FAM240B: variants seen among roughly 807,000 people sequenced by gnomAD.
FAM240B encodes protein FAM240B.
chr9:38,704,598 G>A (rs544423513), intron 1 of FAM240B, among the ~76,000 whole-genome samples: 4 of 152,284 alleles, frequency 2.6e-5, no homozygotes, highest in Non-Finnish European at 4.4e-5. Context: ...TCAGTTGTGT[G>A]TGTGTCTGCA....
intron 1 of FAM240B, among the ~76,000 whole-genome samples, chr9:38,719,253 C>T (rs1004666165): frequency 6.6e-6 from 1 of 151,734 alleles, no homozygotes; most frequent in Non-Finnish European, 1.5e-5. Flanking sequence ...CCCCCCCACC[C>T]CCAGCAAAAG....
intron 1 of FAM240B, among the ~76,000 whole-genome samples, chr9:38,706,456 T>C (rs10973987): frequency 0.24 from 36,176 of 152,092 alleles, 5,277 homozygotes; most frequent in Admixed American, 0.32. Flanking sequence ...GTTTGTGACT[T>C]AGAGCGGTAG....
chr9:38,714,971 T>G, intron 1 of FAM240B, among the ~76,000 whole-genome samples: 1 of 152,230 alleles, frequency 6.6e-6, no homozygotes, highest in East Asian at 1.9e-4. Context: ...TTTTGATAAA[T>G]GTACCATGGC....
At chr9:38,696,269 A>G (rs910927898) in intron 2 of FAM240B, among the ~76,000 whole-genome samples, 21 of 152,196 alleles carry the variant, frequency 1.4e-4, no homozygotes, top group Admixed American at 3.9e-4. Context: ...AATACTTAAT[A>G]CTCTTTCTAC....
chr9:38,717,221 TCA>T, intron 1 of FAM240B, among the ~76,000 whole-genome samples: 1 of 152,306 alleles, frequency 6.6e-6, no homozygotes, highest in East Asian at 1.9e-4. Context: ...TTTGGGATGC[TCA>T]TGGAAATTAC....
At chr9:38,719,804 G>T (rs1821351054) in intron 1 of FAM240B, among the ~76,000 whole-genome samples, 1 of 152,030 alleles carries the variant, frequency 6.6e-6, no homozygotes, top group African/African-American at 2.4e-5. Flanking sequence ...CTGCATCATT[G>T]ACATTTAGGA....
rs530037978 is a variant in FAM240B, at chr9:38,707,709, G to A, written c.-3-3707C>T. 1.1e-4 allele frequency among the ~76,000 whole-genome samples: 16 copies of A among 150,230 alleles called. No individual in the cohort carries two copies. In the South Asian group the frequency reaches 2.5e-3, roughly 24 times the overall value. ...CTCAGGAGGCTGAGGCAGGAGAATC[G>A]CTTGAACCTGGGAGGTGGAGATTGC... is the stretch of plus-strand genomic sequence containing the variant. On this transcript the variant is annotated intron_variant, in intron 1 of 2. Transcript: ENST00000637493.
intron 2 of FAM240B, among the ~76,000 whole-genome samples, chr9:38,702,070 G>A (rs908971324): frequency 6.6e-6 from 1 of 152,170 alleles, no homozygotes; most frequent in African/African-American, 2.4e-5. Context: ...TTTCTGGAAG[G>A]GAAGATACAG....
chr9:38,700,788 TG>T (rs1350624174), intron 2 of FAM240B, among the ~76,000 whole-genome samples: 1 of 152,236 alleles, frequency 6.6e-6, no homozygotes, highest in Non-Finnish European at 1.5e-5. Flanking sequence ...TACCCAGTTG[TG>T]GGGCCACCCA....
intron 1 of FAM240B, among the ~76,000 whole-genome samples, chr9:38,710,646 C>A (rs1366197411): frequency 6.6e-6 from 1 of 152,138 alleles, no homozygotes; most frequent in Non-Finnish European, 1.5e-5. Context: ...AACGACAGGG[C>A]GTGGAAGTGA....
At chr9:38,709,046 G>A (rs1015644154) in intron 1 of FAM240B, among the ~76,000 whole-genome samples, 1 of 152,036 alleles carries the variant, frequency 6.6e-6, no homozygotes, top group African/African-American at 2.4e-5. Flanking sequence ...GCTCTCTGTG[G>A]TCAGGCCCTA....
chr9:38,719,894 A>C (rs1036214019), intron 1 of FAM240B, 128 bp downstream of exon 1: 1 of 152,216 alleles, frequency 6.6e-6, no homozygotes, highest in Admixed American at 6.5e-5. Flanking sequence ...TAGGTGTTCA[A>C]GGTGAAGAGA....
intron 1 of FAM240B, among the ~76,000 whole-genome samples, chr9:38,708,457 G>A: frequency 6.6e-6 from 1 of 152,134 alleles, no homozygotes; most frequent in Non-Finnish European, 1.5e-5. Flanking sequence ...AGACACAGCT[G>A]TCCTGCCTGC....
Position 38,694,788 on chromosome 9 carries a change from G to A in FAM240B, c.225C>T (p.His75=). The A allele has an allele frequency of 2.5e-6, 1 of 398,636 alleles. No homozygotes were observed. The highest frequency in any genetic ancestry group is 4.4e-6 in the Non-Finnish European group (1 of 226,082). The allele number at this position is 398,636 out of a possible 1,614,324, so 24.7% of individuals were successfully genotyped here. A position where few individuals can be genotyped will look rare whatever the true frequency, so the allele number is the denominator to read the frequency against. The change falls in exon 3 of 3, where the codon CAC becomes CAT. Residue 75 remains histidine, a synonymous_variant. Coordinates refer to ENST00000637493, the MANE Select transcript of FAM240B (RefSeq NM_001394922.1). ...AGGCAGGCAGAGCTCAGTCCGCGGTGTGTGCCGGCTTTTCCTTCTCAACAG... is the reference window on the plus strand; with the variant it reads ...AGGCAGGCAGAGCTCAGTCCGCGGTATGTGCCGGCTTTTCCTTCTCAACAG... The part of the protein sequence containing the change: ...DNPVEKEKPA[H]TAD
intron 1 of FAM240B, among the ~76,000 whole-genome samples, chr9:38,714,879 G>A (rs1821291727): frequency 6.6e-6 from 1 of 152,158 alleles, no homozygotes; most frequent in South Asian, 2.1e-4. Flanking sequence ...TCCTGGAACA[G>A]GAAAAACAGA....
chr9:38,717,391 C>T (rs7873576), intron 1 of FAM240B, among the ~76,000 whole-genome samples: 44,783 of 151,760 alleles, frequency 0.3, 8,791 homozygotes, highest in African/African-American at 0.56. Context: ...CCATCCTGGC[C>T]AACAGGGTGA....
chr9:38,702,174 A>C (rs1030242819), intron 2 of FAM240B, among the ~76,000 whole-genome samples: 2 of 152,114 alleles, frequency 1.3e-5, no homozygotes, highest in Admixed American at 6.5e-5. Flanking sequence ...GACTCTCTTC[A>C]CTTCCCTGAG....
intron 2 of FAM240B, 85 bp from the exon 3 acceptor site, chr9:38,694,954 C>T (rs1382774883): frequency 1.3e-5 from 5 of 397,926 alleles, no homozygotes; most frequent in African/African-American, 2.1e-5. Context: ...TTTTTCTTCT[C>T]CAAGATATTT....
chr9:38,704,940 C>T (rs893827456), intron 1 of FAM240B, among the ~76,000 whole-genome samples: 6 of 152,192 alleles, frequency 3.9e-5, no homozygotes, highest in Non-Finnish European at 8.8e-5. Context: ...TTTGCTCACA[C>T]GAAGTGCCCA....
Sources: gnomAD v4.1 joint callset for allele counts (sites outside exome capture counted in the v4.1 genomes callset) on GRCh38, gnomAD v4.1.1 for gene constraint, MANE v1.5 for transcripts, NCBI Gene and HGNC (gene_info 2026-07-23, HGNC 2026-07-21) for gene names.